B3GALT1: variants seen among roughly 807,000 people sequenced by gnomAD.
B3GALT1 encodes UDP-Gal:betaGlcNAc beta 1,3-galactosyltransferase, polypeptide 1.
B3GALT1 carries 10 observed loss-of-function variants against 23.2 expected under a neutral mutation model. The observed-to-expected ratio is 0.43, with a 90% CI of 0.27 to 0.73. The LOEUF is 0.73. B3GALT1 is among the 30% of genes least tolerant of loss of function. The pLI, the probability that B3GALT1 is intolerant of heterozygous loss-of-function variation, is 0.21. For synonymous variants in B3GALT1, 156 were observed against 141.5 expected, an observed-to-expected ratio of 1.10 and a Z score of -0.73; for missense variants, 299 against 405.4, an observed-to-expected ratio of 0.74 and a Z score of 2.25.
chr2:167,482,956 G>A (rs35523753), intron 1 of B3GALT1, among the ~76,000 whole-genome samples: 58,868 of 151,988 alleles, frequency 0.39, 12,177 homozygotes, highest in East Asian at 0.79. Flanking sequence ...GCACAGTATC[G>A]TTGTTTGCCT....
At chr2:167,402,166 TATG>T (rs1032137323) in intron 1 of B3GALT1, among the ~76,000 whole-genome samples, 12 of 152,258 alleles carry the variant, frequency 7.9e-5, no homozygotes, top group Non-Finnish European at 1.3e-4. Flanking sequence ...CTACTAATGT[TATG>T]ATAAAATAAT....
intron 1 of B3GALT1, among the ~76,000 whole-genome samples, chr2:167,329,592 G>A (rs73015860): frequency 0.02 from 3,025 of 152,224 alleles, 122 homozygotes; most frequent in African/African-American, 0.069. Context: ...TTGTACTGCA[G>A]TCTGTCTCTT....
chr2:167,619,276 C>A (rs150056352), intron 2 of B3GALT1, among the ~76,000 whole-genome samples: 70 of 152,040 alleles, frequency 4.6e-4, no homozygotes, highest in African/African-American at 1.4e-3. Flanking sequence ...CCATTGAATG[C>A]CCTCTTAGCA....
intron 1 of B3GALT1, among the ~76,000 whole-genome samples, chr2:167,343,501 G>A (rs1030326635): frequency 6.6e-6 from 1 of 152,140 alleles, no homozygotes; most frequent in African/African-American, 2.4e-5. Flanking sequence ...TGATGGCTAA[G>A]CAATGTCAGA....
chr2:167,485,711 T>C (rs146729843), intron 1 of B3GALT1, among the ~76,000 whole-genome samples: 26 of 152,336 alleles, frequency 1.7e-4, no homozygotes, highest in African/African-American at 6.3e-4. Context: ...TAATCTAAAC[T>C]ATGCATATGC....
intron 4 of B3GALT1, among the ~76,000 whole-genome samples, chr2:167,836,639 A>T (rs898874170): frequency 2.6e-5 from 4 of 152,218 alleles, no homozygotes; most frequent in Non-Finnish European, 5.9e-5. Flanking sequence ...CCAATCTAGC[A>T]AGGCAGGCCA....
chr2:167,501,699 A>G (rs1699850590), intron 2 of B3GALT1, among the ~76,000 whole-genome samples: 2 of 147,840 alleles, frequency 1.4e-5, no homozygotes, highest in Admixed American at 1.4e-4. Context: ...AGAAATGTTA[A>G]TTCACACATC....
rs940131091 is a variant in B3GALT1 at position 167,562,406 on chromosome 2, T to A, written c.-410+72129T>A. The stretch of plus-strand genomic sequence containing the variant: ...CTTTGAAAACTGGCACAAGACAGGG[T>A]TGCCCTCTCTCACCACTCCTATTCA... On this transcript the variant is annotated intron_variant, in intron 2 of 4. Coordinates refer to ENST00000392690, the MANE Select transcript of B3GALT1 (RefSeq NM_020981.4). Among the ~76,000 whole-genome samples, 51 of 151,898 alleles carry A rather than the reference T, an allele frequency of 3.4e-4. No homozygotes were observed. In the South Asian group the frequency reaches 4.0e-3, roughly 12 times the overall value.
intron 2 of B3GALT1, among the ~76,000 whole-genome samples, chr2:167,597,270 C>T (rs1379961979): frequency 1.3e-5 from 2 of 152,174 alleles, no homozygotes; most frequent in East Asian, 3.9e-4. Context: ...CGCCAGCCAC[C>T]ATGCCCGGCT....
At chr2:167,659,961 A>G (rs1388299578) in intron 3 of B3GALT1, among the ~76,000 whole-genome samples, 2 of 152,024 alleles carry the variant, frequency 1.3e-5, no homozygotes, top group Non-Finnish European at 2.9e-5. Flanking sequence ...TTTTTATCCC[A>G]GTTTCAGGTC....
chr2:167,620,758 C>T (rs1685241691), intron 2 of B3GALT1, among the ~76,000 whole-genome samples: 1 of 152,002 alleles, frequency 6.6e-6, no homozygotes, highest in South Asian at 2.1e-4. Flanking sequence ...CATTTAGTGC[C>T]ATGTTTTCAA....
chr2:167,764,509 T>C lies in B3GALT1; in HGVS notation c.-351-54163T>C, dbSNP rs573373705. Among the ~76,000 whole-genome samples the C allele has an allele frequency of 5.3e-5, 8 of 152,336 alleles. No individual in the cohort carries two copies. The East Asian group carries it at 1.5e-3, about 29-fold the overall frequency. Reference sequence around the variant, plus strand: ...ACCTTGCTATTGTTTAATAAAGGTCTAAATTAGATTGGCATCAGTACAACA... The same window carrying C: ...ACCTTGCTATTGTTTAATAAAGGTCCAAATTAGATTGGCATCAGTACAACA... On this transcript the variant is annotated intron_variant, in intron 3 of 4. Transcript: ENST00000392690.
At chr2:167,572,635 C>T (rs551039742) in intron 2 of B3GALT1, among the ~76,000 whole-genome samples, 10 of 151,730 alleles carry the variant, frequency 6.6e-5, no homozygotes, top group African/African-American at 1.7e-4. Context: ...ACACATCTGC[C>T]GATTGAGGTC....
At chr2:167,442,499 T>C (rs1698910960) in intron 1 of B3GALT1, among the ~76,000 whole-genome samples, 1 of 151,722 alleles carries the variant, frequency 6.6e-6, no homozygotes, top group African/African-American at 2.4e-5. Flanking sequence ...CCACCAACAG[T>C]GTAAAAGTGT....
At chr2:167,427,594 T>G (rs540983420) in intron 1 of B3GALT1, among the ~76,000 whole-genome samples, 1 of 152,334 alleles carries the variant, frequency 6.6e-6, no homozygotes, top group East Asian at 1.9e-4. Flanking sequence ...TGGAGTGCAG[T>G]GGCATGATTG....
At position 167,589,417 on chromosome 2, in the gene B3GALT1, A is replaced by G. The variant is rs1279286618; in HGVS notation, c.-409-57492A>G. Among the ~76,000 whole-genome samples, 4 of 152,164 alleles carry G rather than the reference A, an allele frequency of 2.6e-5. No individual in the cohort carries two copies. The East Asian group carries it at 7.7e-4, about 29-fold the overall frequency. The stretch of plus-strand genomic sequence containing the variant: ...GACAGCCCTACTCCAAGTATTAATA[A>G]ATGTGAACATTATTTATAATTATTC... On this transcript the variant is annotated intron_variant, in intron 2 of 4. Transcript: ENST00000392690.
intron 2 of B3GALT1, among the ~76,000 whole-genome samples, chr2:167,617,471 A>G (rs1348683770): frequency 1.3e-5 from 2 of 152,038 alleles, no homozygotes; most frequent in Non-Finnish European, 2.9e-5. Flanking sequence ...GGAATAGCCC[A>G]TTATTCCACT....
At chr2:167,387,388 T>G (rs1697944793) in intron 1 of B3GALT1, among the ~76,000 whole-genome samples, 1 of 152,208 alleles carries the variant, frequency 6.6e-6, no homozygotes, top group South Asian at 2.1e-4. Flanking sequence ...AAATTGGATC[T>G]GGATAAGGCC....
At chr2:167,439,468 C>A (rs927158657) in intron 1 of B3GALT1, among the ~76,000 whole-genome samples, 1 of 151,680 alleles carries the variant, frequency 6.6e-6, no homozygotes, top group Admixed American at 6.6e-5. Context: ...TATACTTTTC[C>A]CAGTCTGAGA....
Sources: allele counts gnomAD v4.1 joint callset (sites outside exome capture counted in the v4.1 genomes callset), GRCh38; gene constraint gnomAD v4.1.1; transcripts MANE v1.5; gene names NCBI Gene and HGNC (gene_info 2026-07-23, HGNC 2026-07-21).